The following DMD variants were observed in gnomAD, a reference collection of about 807,000 sequenced individuals.
DMD encodes the protein mutant dystrophin.
Under a neutral mutation model 330.1 loss-of-function variants are expected in DMD, and 63 were observed. That is an observed-to-expected ratio of 0.19 (90% confidence interval 0.16 to 0.24). The LOEUF is 0.24. Among genes scored for constraint, DMD ranks in the 10% least tolerant of loss-of-function variants. DMD has a pLI of 1.00. For synonymous variants in DMD, 1,223 were observed against 959.8 expected (o/e 1.27, Z -5.07); for missense variants, 3,344 against 2,684.1 (o/e 1.25, Z -5.43).
At chrX:32,711,635 G>A (rs1339048679) in intron 7 of DMD, among the ~76,000 whole-genome samples, 2 of 111,737 alleles carry the variant, frequency 1.8e-5, no homozygotes, top group Admixed American at 9.6e-5. Flanking sequence ...TTATTGTAGT[G>A]GAAAACTAAA....
intron 11 of DMD, among the ~76,000 whole-genome samples, chrX:32,639,306 C>A (rs767913088): frequency 1.8e-4 from 20 of 111,135 alleles, no homozygotes; most frequent in Non-Finnish European, 3.2e-4. Flanking sequence ...CTTGCACTTC[C>A]ACAGTTGGAA....
chrX:31,941,701 T>TCC (rs934000026), intron 45 of DMD, among the ~76,000 whole-genome samples: 8 of 111,476 alleles, frequency 7.2e-5, no homozygotes, highest in South Asian at 3.8e-4. Flanking sequence ...CTTGCCCCTC[T>TCC]CCTTCCTCCC....
Position 31,922,851 on chromosome X carries a change from T to A in DMD, c.6912+6745A>T, listed in dbSNP as rs1164893170. ...CTATTGTCATTAAAGAGTGATTAAT[T>A]CGGTAATAATGGCAATCAGATTTCT... is the stretch of plus-strand genomic sequence containing the variant. On this transcript the variant is annotated intron_variant, in intron 47 of 78. Coordinates refer to ENST00000357033, the MANE Select transcript of DMD (RefSeq NM_004006.3). Among the ~76,000 whole-genome samples, 4 of 111,842 alleles carry A rather than the reference T, an allele frequency of 3.6e-5. No individual in the cohort carries two copies. In the East Asian group the frequency reaches 1.1e-3, roughly 31 times the overall value.
chrX:32,354,963 C>T (rs2097794044), intron 37 of DMD, among the ~76,000 whole-genome samples: 1 of 111,241 alleles, frequency 9.0e-6, no homozygotes, highest in African/African-American at 3.3e-5. Flanking sequence ...AAGAGGAAAA[C>T]ATTTAACTCT....
intron 11 of DMD, among the ~76,000 whole-genome samples, chrX:32,617,019 G>A (rs919113040): frequency 4.5e-5 from 5 of 109,941 alleles, no homozygotes; most frequent in Non-Finnish European, 7.6e-5. Context: ...TAAACTAGAA[G>A]TTGAGATGAC....
intron 53 of DMD, among the ~76,000 whole-genome samples, chrX:31,675,271 C>A (rs959707308): frequency 1.8e-5 from 2 of 112,303 alleles, no homozygotes; most frequent in Non-Finnish European, 3.8e-5. Flanking sequence ...TCTTTCCACT[C>A]TGACCACGCT....
chrX:32,613,892 TCA>T (rs1220631195), intron 12 of DMD, among the ~76,000 whole-genome samples: 2 of 111,386 alleles, frequency 1.8e-5, no homozygotes, highest in African/African-American at 6.5e-5. Context: ...CTTTATTTTT[TCA>T]CAGTTCTCGA....
intron 1 of DMD, among the ~76,000 whole-genome samples, chrX:33,145,502 A>C (rs1436775110): frequency 9.0e-6 from 1 of 111,623 alleles, no homozygotes; most frequent in African/African-American, 3.2e-5. Flanking sequence ...CTGTGGGAGC[A>C]GGGAAATATA....
At chrX:32,543,419 C>T (rs228364) in intron 17 of DMD, among the ~76,000 whole-genome samples, 30,581 of 109,372 alleles carry the variant, frequency 0.28, 3,315 homozygotes, top group East Asian at 0.54. Flanking sequence ...TCAGCTTGCT[C>T]TGTTAATTTC....
At chrX:31,439,381 T>C (rs772257076) in intron 60 of DMD, among the ~76,000 whole-genome samples, 109 of 111,496 alleles carry the variant, frequency 9.8e-4, no homozygotes, top group Admixed American at 2.9e-3. Context: ...AACAAAGGGA[T>C]GAAAGAAGGA....
intron 44 of DMD, among the ~76,000 whole-genome samples, chrX:32,084,429 G>A (rs1478395274): frequency 3.6e-5 from 4 of 111,021 alleles, no homozygotes; most frequent in African/African-American, 6.6e-5. Context: ...CCAAAGTGAG[G>A]GACATCTTTT....
At chrX:32,809,919 C>CAAAAAAAAAAA (rs55898363) in intron 6 of DMD, among the ~76,000 whole-genome samples, 39 of 28,655 alleles carry the variant, frequency 1.4e-3, no homozygotes, top group Admixed American at 2.6e-3. Context: ...TTGTTTCTAC[C>CAAAAAAAAAAA]AAAAAAAAAA....
chrX:32,242,320 A>G (rs41384652), intron 43 of DMD, among the ~76,000 whole-genome samples: 11,261 of 111,379 alleles, frequency 0.1, 527 homozygotes, highest in Admixed American at 0.15. Flanking sequence ...CTGTTACAGA[A>G]GACAAAGTAA....
chrX:31,872,126 G>A (rs2050032246), intron 48 of DMD, among the ~76,000 whole-genome samples: 1 of 107,088 alleles, frequency 9.3e-6, no homozygotes, highest in South Asian at 4.2e-4. Context: ...AGAAGAAAAA[G>A]GCTAAAAGAG....
At chrX:33,286,935 T>C (rs2053441990) in intron 1 of DMD, among the ~76,000 whole-genome samples, 1 of 112,175 alleles carries the variant, frequency 8.9e-6, no homozygotes, top group South Asian at 3.7e-4. Flanking sequence ...TCTATGGATG[T>C]ATGCAGATGA....
chrX:33,033,482 G>A (rs761589744), intron 1 of DMD, among the ~76,000 whole-genome samples: 5 of 106,902 alleles, frequency 4.7e-5, no homozygotes, highest in Non-Finnish European at 9.6e-5. Context: ...AGGCCGAGGT[G>A]GGCGGATCAC....
At chrX:32,446,234 CACAG>C (rs1164694080) in intron 27 of DMD, among the ~76,000 whole-genome samples, 1 of 110,488 alleles carries the variant, frequency 9.1e-6, no homozygotes, top group African/African-American at 3.3e-5. Flanking sequence ...CAAATTTACA[CACAG>C]ACAAAGTTGA....
intron 59 of DMD, among the ~76,000 whole-genome samples, chrX:31,462,511 G>A (rs749821767): frequency 3.2e-4 from 36 of 111,246 alleles, no homozygotes; most frequent in Non-Finnish European, 5.8e-4. Flanking sequence ...ACTCCACAGC[G>A]AGGTTTCTGC....
chrX:32,651,073 C>A (rs970811123), intron 9 of DMD, among the ~76,000 whole-genome samples: 3 of 111,582 alleles, frequency 2.7e-5, no homozygotes, highest in African/African-American at 9.8e-5. Context: ...TATGATCAAT[C>A]TCTTTAAATG....
Sources: allele counts gnomAD v4.1 joint callset (sites outside exome capture counted in the v4.1 genomes callset), GRCh38; gene constraint gnomAD v4.1.1; transcripts MANE v1.5; gene names NCBI Gene and HGNC (gene_info 2026-07-23, HGNC 2026-07-21).